The following C5orf22 variants were observed in gnomAD, a reference collection of about 807,000 sequenced individuals.
The protein encoded by C5orf22 is UPF0489 protein C5orf22.
A neutral mutation model predicts 48.7 loss-of-function variants in C5orf22; 36 were observed. That is an observed-to-expected ratio of 0.74 (90% CI 0.57 to 0.98). The LOEUF (loss-of-function observed/expected upper bound fraction) is 0.98, where lower values mean the gene tolerates loss of function less well. Among genes scored for constraint, C5orf22 ranks in the 50% least tolerant of loss-of-function variants. The pLI is 0.00. For missense variants in C5orf22, 486 were observed against 521.9 expected, an observed-to-expected ratio of 0.93 and a Z score of 0.67; for synonymous variants, 141 against 180.8, an observed-to-expected ratio of 0.78 and a Z score of 1.76.
Position 31,552,891 on chromosome 5 carries a change from C to T in C5orf22, c.1318C>T (p.Pro440Ser), listed in dbSNP as rs1743374846. Reference protein sequence around the residue: ...LDLQVYAAESPPS With the variant: ...LDLQVYAAESSPS The stretch of plus-strand genomic sequence containing the variant: ...CCTCCAAGTGTATGCAGCAGAGTCT[C>T]CTCCATCTTGAAACAAACAAAACAT... Residue 440 changes from proline (P) to serine (S), a missense_variant, in exon 9 of 9, where the codon CCT becomes TCT. By Grantham distance (74) the Pro-to-Ser change is moderately conservative. Around this residue, in one of 3 missense-constraint regions of C5orf22, gnomAD observed 408 missense variants for 444.0 expected, o/e 0.92. Coordinates refer to ENST00000325366, the MANE Select transcript of C5orf22 (RefSeq NM_018356.3). 6.2e-7 allele frequency: 1 copy of T among 1,613,472 alleles called. No homozygotes were observed.
chr5:31,552,845 T>C lies in C5orf22; in HGVS notation c.1272T>C (p.Arg424=), dbSNP rs374115893. 1 of 1,613,788 alleles carries C rather than the reference T, an allele frequency of 6.2e-7. No homozygotes were observed. The highest frequency in any genetic ancestry group is 8.5e-7 in the Non-Finnish European group (1 of 1,179,726). Residue 424 remains arginine, a synonymous_variant, in exon 9 of 9, where the codon CGT becomes CGC. Coordinates refer to ENST00000325366, the MANE Select transcript of C5orf22 (RefSeq NM_018356.3). Reference sequence around the variant, plus strand: ...AAGAAAAGGTCCTCAATATGCTACGTGCCCTCTATGGAAATCTAGACCTCC... The same window carrying C: ...AAGAAAAGGTCCTCAATATGCTACGCGCCCTCTATGGAAATCTAGACCTCC... ...TIQEKVLNML[R]ALYGNLDLQV...
At chr5:31,543,626 T>G (rs1043493333) in intron 6 of C5orf22, among the ~76,000 whole-genome samples, 1 of 152,176 alleles carries the variant, frequency 6.6e-6, no homozygotes, top group Non-Finnish European at 1.5e-5. Flanking sequence ...TATAGGGTTC[T>G]AAAATGATTC....
At chr5:31,540,674 G>A (rs900425965) in intron 4 of C5orf22, among the ~76,000 whole-genome samples, 3 of 152,012 alleles carry the variant, frequency 2.0e-5, no homozygotes, top group African/African-American at 4.8e-5. Context: ...TGCTTCCTTA[G>A]GTAATTTTTA....
chr5:31,536,450 G>A (rs1008466999), intron 3 of C5orf22, among the ~76,000 whole-genome samples: 3 of 152,182 alleles, frequency 2.0e-5, no homozygotes, highest in African/African-American at 7.2e-5. Flanking sequence ...GTGAACCCAG[G>A]AGACAGAGCT....
chr5:31,544,135 G>A (rs923866873), intron 6 of C5orf22, among the ~76,000 whole-genome samples: 1 of 152,134 alleles, frequency 6.6e-6, no homozygotes, highest in Non-Finnish European at 1.5e-5. Context: ...AAAGTAACAG[G>A]ACAAGTGGGC....
rs773379429 is a variant in C5orf22 at position 31,538,249 on chromosome 5, C to G, written c.378-11C>G. ...CATTCTTCTTAAAAATCGTTTTTTC[C>G]TCTGATTCAGGGTTACAAGTACAGA... On this transcript the variant is annotated splice_polypyrimidine_tract_variant and intron_variant, in intron 3 of 8. Coordinates refer to ENST00000325366, the MANE Select transcript of C5orf22 (RefSeq NM_018356.3). 1.3e-6 allele frequency: 2 copies of G among 1,547,654 alleles called. No individual in the cohort carries two copies. The highest frequency in any genetic ancestry group is 4.1e-5 in the Admixed American group (2 of 48,350).
At chr5:31,549,632 T>G (rs1743124025) in intron 7 of C5orf22, among the ~76,000 whole-genome samples, 1 of 152,112 alleles carries the variant, frequency 6.6e-6, no homozygotes, top group African/African-American at 2.4e-5. Flanking sequence ...TCCCAGCACT[T>G]TGGGAGGCCA....
intron 7 of C5orf22, among the ~76,000 whole-genome samples, chr5:31,550,666 AGTGATTCTCCTGCCTTAGCAG>A (rs549096104): frequency 1.9e-4 from 29 of 152,218 alleles, no homozygotes; most frequent in African/African-American, 6.3e-4. Flanking sequence ...CCCGTGTTCA[AGTGATTCTCCTGCCTTAGCAG>A]GAGAAGCTGG....
At chr5:31,533,202 C>T (rs1042860422) in intron 1 of C5orf22, among the ~76,000 whole-genome samples, 1 of 152,064 alleles carries the variant, frequency 6.6e-6, no homozygotes, top group African/African-American at 2.4e-5. Flanking sequence ...GATCGGCCCC[C>T]GCCGGCCTCC....
At position 31,538,707 on chromosome 5, in the gene C5orf22, T is replaced by A; in HGVS notation, c.807+18T>A. On this transcript the variant is annotated intron_variant, in intron 4 of 8. Coordinates refer to ENST00000325366, the MANE Select transcript of C5orf22 (RefSeq NM_018356.3). ...TCACTCAGGTAAATAATTGTGTTTT[T>A]AACACATAGATCTTGAGAATTGTAT... 6.4e-7 allele frequency: 1 copy of A among 1,566,628 alleles called. No individual in the cohort carries two copies. Among genetic ancestry groups the A allele is most frequent in the Non-Finnish European group, 8.7e-7 (1 of 1,145,436 alleles).
chr5:31,541,047 T>C (rs773590948), intron 5 of C5orf22, 36 bp downstream of exon 5: 1 of 1,496,678 alleles, frequency 6.7e-7, no homozygotes, highest in South Asian at 1.2e-5. Context: ...TTTTATTCAT[T>C]TATCATATAA....
At chr5:31,533,882 A>G (rs956157592) in intron 1 of C5orf22, among the ~76,000 whole-genome samples, 1 of 152,112 alleles carries the variant, frequency 6.6e-6, no homozygotes, top group Non-Finnish European at 1.5e-5. Flanking sequence ...AGGCTGGGCA[A>G]CTGACAAGCC....
At chr5:31,544,351 A>G (rs910927223) in intron 6 of C5orf22, among the ~76,000 whole-genome samples, 1 of 152,206 alleles carries the variant, frequency 6.6e-6, no homozygotes, top group African/African-American at 2.4e-5. Context: ...TGGGAGGCCA[A>G]GGCGGGCGGA....
At chr5:31,552,702 A>C in intron 8 of C5orf22, 71 bp from the exon 9 acceptor site, 1 of 1,354,752 alleles carries the variant, frequency 7.4e-7, no homozygotes. Flanking sequence ...AAATGAACAC[A>C]TGCAGCTTTT....
chr5:31,541,826 A>G (rs1580447390), intron 6 of C5orf22, among the ~76,000 whole-genome samples: 1 of 152,202 alleles, frequency 6.6e-6, no homozygotes, highest in Admixed American at 6.5e-5. Context: ...TAACAATAGT[A>G]GACATTATTG....
intron 4 of C5orf22, among the ~76,000 whole-genome samples, chr5:31,539,128 AT>A (rs1483014115): frequency 3.9e-5 from 6 of 152,360 alleles, no homozygotes; most frequent in Non-Finnish European, 1.5e-5. Flanking sequence ...AGAGTAAAAA[AT>A]AATACAAATA....
chr5:31,542,761 A>G (rs1742552837), intron 6 of C5orf22, among the ~76,000 whole-genome samples: 1 of 152,264 alleles, frequency 6.6e-6, no homozygotes, highest in Non-Finnish European at 1.5e-5. Context: ...AAACTAAAAT[A>G]AAACCATCAG....
At chr5:31,532,507 T>C in intron 1 of C5orf22, 34 bp downstream of exon 1, 1 of 1,583,026 alleles carries the variant, frequency 6.3e-7, no homozygotes, top group Non-Finnish European at 8.7e-7. Flanking sequence ...TGGGGCAGAA[T>C]CAGCGGAAGC....
chr5:31,549,068 A>G (rs1439285493), intron 7 of C5orf22, among the ~76,000 whole-genome samples: 1 of 152,056 alleles, frequency 6.6e-6, no homozygotes, highest in African/African-American at 2.4e-5. Flanking sequence ...AAAAACACAA[A>G]ATTAGCCGGG....
Sources: gnomAD v4.1 joint callset for allele counts (sites outside exome capture counted in the v4.1 genomes callset) on GRCh38, gnomAD v4.1.1 for gene constraint, gnomAD v4.1.1 regional missense constraint, MANE v1.5 for transcripts, NCBI Gene and HGNC (gene_info 2026-07-23, HGNC 2026-07-21) for gene names.